Variants in DYRK1B observed in about 807,000 individuals in gnomAD.
DYRK1B encodes the protein dual specificity tyrosine-phosphorylation-regulated kinase 1B.
Under a neutral mutation model 57.1 loss-of-function variants are expected in DYRK1B, and 20 were observed. The observed-to-expected ratio is 0.35, with a 90% confidence interval of 0.25 to 0.51. DYRK1B has a LOEUF of 0.51. Among genes scored for constraint, DYRK1B ranks in the 20% least tolerant of loss-of-function variants. DYRK1B has a pLI of 0.96. For missense variants in DYRK1B, 732 were observed against 886.3 expected (o/e 0.83, Z 2.21); for synonymous variants, 409 against 384.7 (o/e 1.06, Z -0.74).
Position 39,826,236 on chromosome 19 carries a change from G to A in DYRK1B, c.1462C>T (p.Arg488Ter), listed in dbSNP as rs1450842097. Residue 488 changes from arginine to a stop codon, truncating the protein, a stop_gained, in exon 10 of 11, where the codon CGA becomes TGA. Coordinates refer to ENST00000323039, the MANE Select transcript of DYRK1B (RefSeq NM_004714.3). LOFTEE classifies it high-confidence loss of function. The surrounding 1 kb of genome is among the most constrained non-coding windows in gnomAD (Gnocchi z 6.3). ...GGGGGCCCAGGGCCCCCACAATATC[G>A]GTTGCTGTAGCGGTAGGTCCGGTTG... ...SDNRTYRYSN[R>*]YCGGPGPPIT... The A allele has an allele frequency of 3.8e-6, 6 of 1,596,246 alleles. No individual in the cohort carries two copies. The highest frequency in any genetic ancestry group is 1.1e-5 in the South Asian group (1 of 88,418).
chr19:39,833,573 C>G (rs993492745), intron 1 of DYRK1B: 6 of 156,918 alleles, frequency 3.8e-5, no homozygotes, highest in Non-Finnish European at 8.3e-5. Context: ...ACCACCAGCC[C>G]CTAGGGACCC....
In DYRK1B at chr19:39,826,209, T is replaced by C. The variant is rs774158060; in HGVS notation, c.1489A>G (p.Ile497Val). 3.2e-6 allele frequency: 5 copies of C among 1,575,214 alleles called. No homozygotes were observed. Among genetic ancestry groups the C allele is most frequent in the Non-Finnish European group, 3.4e-6 (4 of 1,163,498 alleles). ...NRYCGGPGPP[I>V]TDCEMNSPQV... ...GGGCTGTTCATCTCACAGTCTGTGA[T>C]AGGGGGCCCAGGGCCCCCACAATAT... The change falls in exon 10 of 11, where the codon ATC (isoleucine) becomes GTC (valine). Residue 497 changes from isoleucine (I) to valine (V), a missense_variant. Around this residue, in one of 2 missense-constraint regions of DYRK1B, gnomAD observed 222 missense variants for 205.0 expected, o/e 1.08. Coordinates refer to ENST00000323039, the MANE Select transcript of DYRK1B (RefSeq NM_004714.3). The surrounding 1 kb of genome is among the most constrained non-coding windows in gnomAD (Gnocchi z 6.3).
chr19:39,830,724 G>T lies in DYRK1B; in HGVS notation c.123C>A (p.Thr41=), dbSNP rs949236193. The T allele has an allele frequency of 6.2e-7, 1 of 1,614,176 alleles. No homozygotes were observed. Among genetic ancestry groups the T allele is most frequent in the African/African-American group, 1.3e-5 (1 of 75,060 alleles). ...RRLPLAFRDA[T]SAPLRKLSVD... The stretch of plus-strand genomic sequence containing the variant: ...CAGAGAGCTTACGCAGCGGGGCTGA[G>T]GTTGCATCCCGGAAGGCCAGGGGCA... The change falls in exon 3 of 11, where the codon ACC becomes ACA. Residue 41 remains threonine (T), a synonymous_variant. Coordinates refer to ENST00000323039, the MANE Select transcript of DYRK1B (RefSeq NM_004714.3).
chr19:39,831,955 A>ACCG lies in DYRK1B; in HGVS notation c.-91_-89dup. The ACCG allele has an allele frequency of 7.0e-7, 1 of 1,428,780 alleles. No individual in the cohort carries two copies. 88.5% of individuals were successfully genotyped at this position (1,428,780 alleles called of 1,614,324 possible). On this transcript the variant is annotated 5_prime_UTR_variant, in exon 2 of 11. Coordinates refer to ENST00000323039, the MANE Select transcript of DYRK1B (RefSeq NM_004714.3). ...TCTTGCATCCTGCACCTCGGCTGCC[A>ACCG]CCGCCGCTGAGACCTGAGAGCAGAC...
chr19:39,827,801 A>G, intron 6 of DYRK1B, 145 bp from the exon 7 acceptor site: 1 of 1,044,298 alleles, frequency 9.6e-7, no homozygotes. Flanking sequence ...ATCAGCACCA[A>G]TTTTCTGGGA....
Position 39,827,383 on chromosome 19 carries a change from G to A in DYRK1B, c.997C>T (p.Pro333Ser). ...GGCGCCTGGTCCAGCATGGCGGCCG[G>A]TGGGATGCCCAGCACCTCCACAATG... ...NRIVEVLGIP[P>S]AAMLDQAPKA... Residue 333 changes from proline (P) to serine (S), a missense_variant, in exon 8 of 11, where the codon CCG becomes TCG. By Grantham distance (74) the Pro-to-Ser change is moderately conservative. Coordinates refer to ENST00000323039, the MANE Select transcript of DYRK1B (RefSeq NM_004714.3). 1 of 1,613,678 alleles carries A rather than the reference G, an allele frequency of 6.2e-7. No individual in the cohort carries two copies. Among genetic ancestry groups the A allele is most frequent in the Non-Finnish European group, 8.5e-7 (1 of 1,179,694 alleles).
At chr19:39,830,969 A>T (rs1207474776) in intron 2 of DYRK1B, among the ~76,000 whole-genome samples, 186 bp from the exon 3 acceptor site, 1 of 152,218 alleles carries the variant, frequency 6.6e-6, no homozygotes, top group East Asian at 1.9e-4. Context: ...TCCAGTGCCT[A>T]CAGCAGGGCC....
rs750460679 is a variant in DYRK1B at position 39,829,985 on chromosome 19, T to C, written c.415A>G (p.Ile139Val). ...GCCTTTTTGTTCTTGATGATCTTGATGGCCACAAGCTCCTGGGTCTGATGA... is the reference window on the plus strand; with the variant it reads ...GCCTTTTTGTTCTTGATGATCTTGACGGCCACAAGCTCCTGGGTCTGATGA... ...YDHQTQELVA[I>V]KIIKNKKAFL... is the part of the protein sequence containing the mutation. Residue 139 changes from isoleucine to valine, a missense_variant, in exon 5 of 11, where the codon ATC becomes GTC. Ile to Val is a conservative substitution (Grantham distance 29). This residue lies in a region of DYRK1B where 510 missense variants were observed against 681.3 expected (regional missense o/e 0.75). Transcript: ENST00000323039. 1 of 1,614,128 alleles carries C rather than the reference T, an allele frequency of 6.2e-7. No individual in the cohort carries two copies. Among genetic ancestry groups the C allele is most frequent in the African/African-American group, 1.3e-5 (1 of 75,020 alleles).
At chr19:39,830,835 C>G in intron 2 of DYRK1B, 52 bp from the exon 3 acceptor site, 3 of 1,559,424 alleles carry the variant, frequency 1.9e-6, no homozygotes, top group Non-Finnish European at 2.6e-6. Flanking sequence ...CACCTCCGAC[C>G]TCAAGAGGAA....
chr19:39,827,008 G>T (rs1968572226), intron 8 of DYRK1B, 21 bp from the exon 9 acceptor site: 3 of 1,379,690 alleles, frequency 2.2e-6, no homozygotes, highest in South Asian at 3.0e-5. Context: ...GGGGGTGGGA[G>T]GGGGGGCAAG....
chr19:39,827,955 T>C (rs1270775255), intron 6 of DYRK1B, among the ~76,000 whole-genome samples: 1 of 152,076 alleles, frequency 6.6e-6, no homozygotes, highest in Non-Finnish European at 1.5e-5. Context: ...ATCGTCACTT[T>C]TAGTGGCAGC....
In DYRK1B at chr19:39,826,917, CG is replaced by C; in HGVS notation, c.1165del (p.Arg389GlyfsTer114). The stretch of plus-strand genomic sequence containing the variant: ...GCTGTGGCCCGGCTCCCCCGCCCGC[CG>C]GCCCCCGGGCCCGCCCGTCTGCACG... ...LGVQTGGPGG[R>X]RAGEPGHSPA... On this transcript the variant is annotated frameshift_variant, in exon 9 of 11. Transcript: ENST00000323039. LOFTEE classifies it high-confidence loss of function. This position sits in a 1 kb window ranked among gnomAD's most constrained non-coding sequence, Gnocchi z 6.3. 7.1e-7 allele frequency: 1 copy of C among 1,415,810 alleles called. No homozygotes were observed. 87.7% of individuals were successfully genotyped at this position (1,415,810 alleles called of 1,614,324 possible).
Sources: gnomAD v4.1 joint callset for allele counts (sites outside exome capture counted in the v4.1 genomes callset) on GRCh38, gnomAD v4.1.1 for gene constraint, gnomAD v4.1.1 regional missense constraint, Gnocchi (gnomAD v3.1) non-coding constraint, MANE v1.5 for transcripts, NCBI Gene and HGNC (gene_info 2026-07-23, HGNC 2026-07-21) for gene names.